CEP68: variants seen among roughly 807,000 people sequenced by gnomAD.
The protein encoded by CEP68 is centrosomal protein 68, also known as centrosomal protein of 68 kDa.
A neutral mutation model predicts 55.3 loss-of-function variants in CEP68; 26 were observed. The observed-to-expected ratio is 0.47, with a 90% CI of 0.34 to 0.65. The LOEUF (loss-of-function observed/expected upper bound fraction) is 0.65, where lower values mean the gene tolerates loss of function less well. Among genes scored for constraint, CEP68 ranks in the 30% least tolerant of loss-of-function variants. CEP68 has a pLI of 0.01. For missense variants in CEP68, 957 were observed against 946.7 expected (o/e 1.01, Z -0.14); for synonymous variants, 402 against 383.2 (o/e 1.05, Z -0.57).
chr2:65,071,264 AC>A, intron 2 of CEP68, 189 bp from the exon 3 acceptor site: 2 of 592,924 alleles, frequency 3.4e-6, no homozygotes, highest in Non-Finnish European at 3.0e-6. Flanking sequence ...TGCTTCCCAG[AC>A]AGGCAGGGTC....
rs1558570602 is a variant in CEP68 at position 65,082,632 on chromosome 2, TGCTG to T, written c.2210_2213del (p.Gly737AlafsTer54). The stretch of plus-strand genomic sequence containing the variant: ...GACTCTATCTTGGCCTCTCTGGACA[TGCTG>T]GCTGGCTGCACCCTTATCCCTGACA... On this transcript the variant is annotated frameshift_variant, in exon 6 of 7. Coordinates refer to ENST00000377990, the MANE Select transcript of CEP68 (RefSeq NM_015147.3). LOFTEE classifies it high-confidence loss of function. 6.2e-7 allele frequency: 1 copy of T among 1,612,606 alleles called. No individual in the cohort carries two copies. Among genetic ancestry groups the T allele is most frequent in the Non-Finnish European group, 8.5e-7 (1 of 1,179,526 alleles).
At chr2:65,074,081 G>A (rs953222572) in intron 3 of CEP68, 1 of 552,430 alleles carries the variant, frequency 1.8e-6, no homozygotes, top group Non-Finnish European at 3.1e-6. Context: ...TGTCATTTTT[G>A]ATGTCACACC....
rs1468777684 is a variant in CEP68 at position 65,086,510 on chromosome 2, G to GA, written c.*2880dup. On this transcript the variant is annotated 3_prime_UTR_variant, in exon 7 of 7. Coordinates refer to ENST00000377990, the MANE Select transcript of CEP68 (RefSeq NM_015147.3). ...AAATCCCAATCTTTACTGCCATGGGGAAAAGAACGCTGGAATTTTCCAAAC... is the reference window on the plus strand; with the variant it reads ...AAATCCCAATCTTTACTGCCATGGGGAAAAAGAACGCTGGAATTTTCCAAAC... The GA allele has an allele frequency of 2.0e-5, 3 of 152,292 alleles. No individual in the cohort carries two copies. The East Asian group carries it at 5.8e-4, about 29-fold the overall frequency. The allele number at this position is 152,292 out of a possible 1,614,324, so 9.4% of individuals were successfully genotyped here.
At chr2:65,080,371 A>C in intron 5 of CEP68, 1 of 985,242 alleles carries the variant, frequency 1.0e-6, no homozygotes, top group Non-Finnish European at 1.2e-6. Flanking sequence ...TTGAGACGTC[A>C]GTGTCTGTCT....
chr2:65,061,342 G>A (rs1422947403), intron 1 of CEP68, among the ~76,000 whole-genome samples: 4 of 152,142 alleles, frequency 2.6e-5, no homozygotes, highest in African/African-American at 9.7e-5. Flanking sequence ...CCTCCCTACC[G>A]CATTGATCTA....
intron 5 of CEP68, among the ~76,000 whole-genome samples, chr2:65,079,538 CT>C (rs1676913300): frequency 6.6e-6 from 1 of 152,180 alleles, no homozygotes; most frequent in African/African-American, 2.4e-5. Flanking sequence ...CTTTTAAGGC[CT>C]TTGTTTTGGC....
intron 1 of CEP68, among the ~76,000 whole-genome samples, chr2:65,060,090 C>A (rs898804232): frequency 6.6e-6 from 1 of 151,498 alleles, no homozygotes; most frequent in Non-Finnish European, 1.5e-5. Flanking sequence ...AATTGAGGCA[C>A]ATGGAGTGAA....
At chr2:65,060,385 G>C (rs1044565333) in intron 1 of CEP68, among the ~76,000 whole-genome samples, 12 of 152,138 alleles carry the variant, frequency 7.9e-5, no homozygotes, top group Non-Finnish European at 1.8e-4. Context: ...TATCTCTTGA[G>C]AGCGGTAAGA....
intron 1 of CEP68, among the ~76,000 whole-genome samples, chr2:65,057,416 T>C (rs1675683771): frequency 6.6e-6 from 1 of 152,196 alleles, no homozygotes; most frequent in Admixed American, 6.5e-5. Flanking sequence ...CCATTCCCCT[T>C]TCCCACCCTC....
intron 5 of CEP68, among the ~76,000 whole-genome samples, chr2:65,080,732 C>T (rs1310690109): frequency 2.0e-5 from 3 of 152,060 alleles, no homozygotes; most frequent in African/African-American, 7.2e-5. Flanking sequence ...GCAGGAGAGT[C>T]GCTTGAACCC....
rs773369946 is a variant in CEP68, at chr2:65,072,426, G to A, written c.1330G>A (p.Gly444Arg). 1.2e-6 allele frequency: 2 copies of A among 1,614,054 alleles called. No individual in the cohort carries two copies. Among genetic ancestry groups the A allele is most frequent in the Non-Finnish European group, 1.7e-6 (2 of 1,180,034 alleles). The part of the protein sequence containing the change: ...GSPQLRTRDR[G>R]WPSPRPEREK... ...TCCCCAGCTAAGGACACGGGACAGA[G>A]GGTGGCCCTCGCCCAGGCCAGAGAG... The change falls in exon 3 of 7, where the codon GGG becomes AGG. Residue 444 changes from glycine (G) to arginine (R), a missense_variant. Physicochemically the swap from Gly to Arg is moderately radical, Grantham distance 125 (BLOSUM62 -2). Transcript: ENST00000377990.
intron 5 of CEP68, among the ~76,000 whole-genome samples, chr2:65,082,052 C>CA (rs1462078267): frequency 6.6e-6 from 1 of 152,168 alleles, no homozygotes; most frequent in Non-Finnish European, 1.5e-5. Context: ...CAAAGGGTCT[C>CA]AAGCACTCCC....
rs1573028937 is a variant in CEP68 at position 65,069,286 on chromosome 2, G to C, written c.-46-113G>C. ...TCCTCTGAGGAAGTAGTCACCATTT[G>C]TTTCCTTTTTTCTTTGACCAAAAAT... On this transcript the variant is annotated intron_variant, in intron 1 of 6. Coordinates refer to ENST00000377990, the MANE Select transcript of CEP68 (RefSeq NM_015147.3). 9.8e-6 allele frequency: 6 copies of C among 612,118 alleles called. No homozygotes were observed. In the East Asian group the frequency reaches 1.6e-4, roughly 16 times the overall value. The allele number at this position is 612,118 out of a possible 1,614,324, so 37.9% of individuals were successfully genotyped here. A position where few individuals can be genotyped will look rare whatever the true frequency, so the allele number is the denominator to read the frequency against.
chr2:65,060,612 G>A (rs532847422), intron 1 of CEP68, among the ~76,000 whole-genome samples: 1 of 152,162 alleles, frequency 6.6e-6, no homozygotes, highest in Non-Finnish European at 1.5e-5. Context: ...TATAGTAAAA[G>A]CAGTGGTCTG....
chr2:65,085,335 CCT>C lies in CEP68; in HGVS notation c.*1702_*1703del, dbSNP rs749471197. 2 of 152,036 alleles carry C rather than the reference CCT, an allele frequency of 1.3e-5. No homozygotes were observed. The highest frequency in any genetic ancestry group is 2.9e-5 in the Non-Finnish European group (2 of 68,002). 9.4% of individuals were successfully genotyped at this position (152,036 alleles called of 1,614,324 possible). On this transcript the variant is annotated 3_prime_UTR_variant, in exon 7 of 7. Transcript: ENST00000377990. Reference sequence around the variant, plus strand: ...ATTTGCACAGAATGTTACACAATACCCTGTTTCCCAAGAAAGTACTACCTTAC... The same window carrying C: ...ATTTGCACAGAATGTTACACAATACCGTTTCCCAAGAAAGTACTACCTTAC...
At position 65,071,547 on chromosome 2, in the gene CEP68, A is replaced by T. The variant is rs779622807; in HGVS notation, c.451A>T (p.Thr151Ser). The change falls in exon 3 of 7, where the codon ACC becomes TCC. Residue 151 changes from threonine (T) to serine (S), a missense_variant. Coordinates refer to ENST00000377990, the MANE Select transcript of CEP68 (RefSeq NM_015147.3). ...TTICSGHDAD[T>S]EDDPSLADLP... is the part of the protein sequence containing the mutation. ...TATTTGCTCAGGACATGATGCTGAT[A>T]CCGAAGATGATCCATCCCTAGCAGA... is the stretch of plus-strand genomic sequence containing the variant. The T allele has an allele frequency of 3.1e-6, 5 of 1,614,170 alleles. No homozygotes were observed. The Admixed American group carries it at 8.3e-5, about 27-fold the overall frequency.
intron 1 of CEP68, among the ~76,000 whole-genome samples, chr2:65,058,910 C>A (rs981149264): frequency 4.6e-5 from 7 of 152,126 alleles, no homozygotes; most frequent in Non-Finnish European, 8.8e-5. Flanking sequence ...AGTCTCACCA[C>A]CAACTAAAGA....
chr2:65,074,403 G>C lies in CEP68; in HGVS notation c.2006G>C (p.Arg669Pro). 1 of 1,614,028 alleles carries C rather than the reference G, an allele frequency of 6.2e-7. No individual in the cohort carries two copies. Among genetic ancestry groups the C allele is most frequent in the South Asian group, 1.1e-5 (1 of 91,074 alleles). ...CTCAAGTCTTCTCTGCAGCTTTACC[G>C]GGTAATATGCGGTCCTGGCTCTGGC... is the stretch of plus-strand genomic sequence containing the variant. ...TSLKSSLQLYRQFKKDIDEHQ... is the reference protein window; with the variant it reads ...TSLKSSLQLYPQFKKDIDEHQ... The change falls in exon 4 of 7, where the codon CGG becomes CCG. Residue 669 changes from arginine to proline, a missense_variant and splice_region_variant. Arg to Pro is a moderately radical substitution (Grantham distance 103). Coordinates refer to ENST00000377990, the MANE Select transcript of CEP68 (RefSeq NM_015147.3).
chr2:65,058,468 G>A (rs1477148211), intron 1 of CEP68, among the ~76,000 whole-genome samples: 1 of 144,784 alleles, frequency 6.9e-6, no homozygotes, highest in East Asian at 2.1e-4. Flanking sequence ...CACGGTGCCT[G>A]ACACCTTATC....
Sources: gnomAD v4.1 joint callset for allele counts (sites outside exome capture counted in the v4.1 genomes callset) on GRCh38, gnomAD v4.1.1 for gene constraint, MANE v1.5 for transcripts, NCBI Gene and HGNC (gene_info 2026-07-23, HGNC 2026-07-21) for gene names.